The following ADGB variants were observed in gnomAD, a reference collection of about 807,000 sequenced individuals.
ADGB encodes androglobin.
ADGB carries 172 observed loss-of-function variants against 210.5 expected under a neutral mutation model. The ratio of observed to expected loss-of-function variants is 0.82; its 90% confidence interval spans 0.72 to 0.93. The LOEUF (loss-of-function observed/expected upper bound fraction) is 0.93. Ranked by LOEUF, ADGB falls within the 40% of genes least tolerant of loss-of-function variation. The probability of loss-of-function intolerance (pLI) is 0.00; values close to 1 mark genes in which losing one functional copy is unlikely to be tolerated. For missense variants in ADGB, 2,025 were observed against 1,964.8 expected (o/e 1.03, Z -0.58); for synonymous variants, 658 against 662.7 (o/e 0.99, Z 0.11).
At chr6:146,740,736 A>G in intron 24 of ADGB, 143 bp downstream of exon 24, 1 of 748,516 alleles carries the variant, frequency 1.3e-6, no homozygotes, top group Non-Finnish European at 2.0e-6. Context: ...TGGCATTTTA[A>G]ATGAGATATT....
intron 29 of ADGB, among the ~76,000 whole-genome samples, chr6:146,771,396 TTGTTTA>T (rs967489055): frequency 2.3e-4 from 35 of 152,152 alleles, no homozygotes; most frequent in Admixed American, 1.7e-3. Flanking sequence ...AAAAAATCAG[TTGTTTA>T]TGTTTATTTC....
At chr6:146,769,296 G>T (rs1006649775) in intron 29 of ADGB, among the ~76,000 whole-genome samples, 165 bp downstream of exon 29, 2 of 151,856 alleles carry the variant, frequency 1.3e-5, no homozygotes, top group East Asian at 3.9e-4. Flanking sequence ...TGTGTTAATT[G>T]ATTATATGTT....
At chr6:146,766,149 G>A (rs1035207403) in intron 28 of ADGB, among the ~76,000 whole-genome samples, 5 of 151,018 alleles carry the variant, frequency 3.3e-5, no homozygotes, top group East Asian at 2.0e-4. Context: ...GGCGGTGAGC[G>A]CAGTGGCTCA....
At position 146,801,844 on chromosome 6, in the gene ADGB, C is replaced by T. The variant is rs1721933350; in HGVS notation, c.4651C>T (p.Pro1551Ser). The change falls in exon 35 of 36, where the codon CCT becomes TCT. Residue 1551 changes from proline to serine, a missense_variant. Coordinates refer to ENST00000397944, the MANE Select transcript of ADGB (RefSeq NM_024694.4). ...TGTATCAAGGAAAACAGATACAGATCCTCTGCTGCAAACAGATGAATTGAA... is the reference window on the plus strand; with the variant it reads ...TGTATCAAGGAAAACAGATACAGATTCTCTGCTGCAAACAGATGAATTGAA... ...SQYVRKTDTD[P>S]LLQTDELNQQ... The T allele has an allele frequency of 1.9e-6, 3 of 1,544,444 alleles. No homozygotes were observed. The highest frequency in any genetic ancestry group is 1.4e-5 in the African/African-American group (1 of 72,456).
chr6:146,672,291 C>T lies in ADGB; in HGVS notation c.911C>T (p.Ala304Val). 2 of 1,550,882 alleles carry T rather than the reference C, an allele frequency of 1.3e-6. No homozygotes were observed. The highest frequency in any genetic ancestry group is 1.7e-6 in the Non-Finnish European group (2 of 1,146,628). Residue 304 changes from alanine to valine, a missense_variant, in exon 8 of 36, where the codon GCC becomes GTC. Physicochemically the swap from Ala to Val is moderately conservative, Grantham distance 64. Coordinates refer to ENST00000397944, the MANE Select transcript of ADGB (RefSeq NM_024694.4). ...CCTGAGTTTAAGCTGTCAGATGAGG[C>T]CAGCTCTGAAAGCAAAATAGCAGTG... is the stretch of plus-strand genomic sequence containing the variant. The part of the protein sequence containing the change: ...ILPEFKLSDE[A>V]SSESKIAVLD...
intron 29 of ADGB, 49 bp downstream of exon 29, chr6:146,769,180 GATATTTAA>G: frequency 1.1e-6 from 1 of 876,490 alleles, no homozygotes; most frequent in Non-Finnish European, 1.8e-6. Flanking sequence ...TGAATAAGTT[GATATTTAA>G]ATATTTAATA....
chr6:146,647,184 T>G (rs543838681), intron 3 of ADGB, among the ~76,000 whole-genome samples: 1 of 151,632 alleles, frequency 6.6e-6, no homozygotes, highest in East Asian at 1.9e-4. Flanking sequence ...GGTCTGATAG[T>G]TAAAAGACTT....
chr6:146,698,240 T>A (rs1340994), intron 12 of ADGB, among the ~76,000 whole-genome samples: 21,037 of 152,234 alleles, frequency 0.14, 1,689 homozygotes, highest in East Asian at 0.3. Flanking sequence ...CATTTAAACA[T>A]GTATTTTAAG....
chr6:146,780,396 G>A (rs1037232290), intron 29 of ADGB, among the ~76,000 whole-genome samples: 1 of 152,094 alleles, frequency 6.6e-6, no homozygotes, highest in Non-Finnish European at 1.5e-5. Flanking sequence ...CAAGTTAAAA[G>A]GCAGCAAATG....
At chr6:146,722,018 C>T (rs996810118) in intron 17 of ADGB, among the ~76,000 whole-genome samples, 2 of 152,006 alleles carry the variant, frequency 1.3e-5, no homozygotes, top group Admixed American at 6.6e-5. Context: ...TCTGGTTGTA[C>T]TATCTGTTCA....
chr6:146,645,801 A>G (rs556116971), intron 3 of ADGB, among the ~76,000 whole-genome samples: 1 of 152,150 alleles, frequency 6.6e-6, no homozygotes, highest in African/African-American at 2.4e-5. Flanking sequence ...TGCAAAAATA[A>G]TATCCTATCA....
intron 25 of ADGB, among the ~76,000 whole-genome samples, chr6:146,741,952 T>G (rs1308396949): frequency 6.6e-6 from 1 of 152,220 alleles, no homozygotes; most frequent in African/African-American, 2.4e-5. Context: ...CTTTATGTCT[T>G]TAAACCTCTT....
At chr6:146,804,993 C>G (rs1778190000) in intron 35 of ADGB, among the ~76,000 whole-genome samples, 1 of 152,092 alleles carries the variant, frequency 6.6e-6, no homozygotes, top group African/African-American at 2.4e-5. Flanking sequence ...AGCAATAAGC[C>G]AGATTAACTT....
chr6:146,625,726 T>C (rs1303431721), intron 1 of ADGB, among the ~76,000 whole-genome samples: 2 of 152,124 alleles, frequency 1.3e-5, no homozygotes, highest in Admixed American at 1.3e-4. Flanking sequence ...GCCAAACAGA[T>C]GCCAGCACCA....
At chr6:146,758,019 T>C (rs1450832630) in intron 27 of ADGB, among the ~76,000 whole-genome samples, 1 of 152,084 alleles carries the variant, frequency 6.6e-6, no homozygotes, top group Non-Finnish European at 1.5e-5. Context: ...AGGGTTGAGC[T>C]TGGGCAAAGC....
At chr6:146,762,175 C>T (rs984911608) in intron 27 of ADGB, among the ~76,000 whole-genome samples, 6 of 152,026 alleles carry the variant, frequency 3.9e-5, no homozygotes, top group African/African-American at 1.2e-4. Flanking sequence ...CACTATTTCA[C>T]TTCCCACAAT....
chr6:146,691,475 T>TAAAAA lies in ADGB; in HGVS notation c.1486+188_1486+189insAAAAA, dbSNP rs1554231923. On this transcript the variant is annotated intron_variant, in intron 11 of 35. Transcript: ENST00000397944. ...ATATATATAAAAATATATATATATATAAATATATATATATATATATATATA... is the reference window on the plus strand; with the variant it reads ...ATATATATAAAAATATATATATATATAAAAAAAATATATATATATATATATATATA... Among the ~76,000 whole-genome samples, 2 of 46,834 alleles carry TAAAAA rather than the reference T, an allele frequency of 4.3e-5. 1 individual carries two copies. Among genetic ancestry groups the TAAAAA allele is most frequent in the African/African-American group, 5.0e-4 (2 of 3,986 alleles). The allele number at this position is 46,834 out of a possible 152,430, so 30.7% of individuals were successfully genotyped here. A position where few individuals can be genotyped will look rare whatever the true frequency, so the allele number is the denominator to read the frequency against.
At chr6:146,685,882 C>CGT (rs1776225253) in intron 10 of ADGB, 54 bp downstream of exon 10, 10 of 1,119,506 alleles carry the variant, frequency 8.9e-6, no homozygotes, top group Admixed American at 2.8e-5. Flanking sequence ...TGTGGGTGCA[C>CGT]GTGTGTGTGT....
chr6:146,738,354 T>G (rs80014390), intron 23 of ADGB, among the ~76,000 whole-genome samples: 7,675 of 151,694 alleles, frequency 0.051, 208 homozygotes, highest in Middle Eastern at 0.069. Flanking sequence ...GGGAAGAACT[T>G]CCCCCAAGTC....
Sources: allele counts gnomAD v4.1 joint callset (sites outside exome capture counted in the v4.1 genomes callset), GRCh38; gene constraint gnomAD v4.1.1; transcripts MANE v1.5; gene names NCBI Gene and HGNC (gene_info 2026-07-23, HGNC 2026-07-21).